ITGA9: variants seen among roughly 807,000 people sequenced by gnomAD.
ITGA9 encodes the protein integrin subunit alpha 9, also known as integrin alpha-9.
ITGA9 carries 56 observed loss-of-function variants against 127.8 expected under a neutral mutation model. That is an observed-to-expected ratio of 0.44 (90% CI 0.35 to 0.55). The LOEUF is 0.55. Ranked by LOEUF, ITGA9 falls within the 20% of genes least tolerant of loss-of-function variation. The probability of loss-of-function intolerance (pLI) is 0.00; values close to 1 mark genes in which losing one functional copy is unlikely to be tolerated. For missense variants in ITGA9, 1,196 were observed against 1,347.1 expected, an observed-to-expected ratio of 0.89 and a Z score of 1.76; for synonymous variants, 508 against 514.5, an observed-to-expected ratio of 0.99 and a Z score of 0.17.
At chr3:37,659,983 A>AACACACACACAC (rs10694969) in intron 17 of ITGA9, among the ~76,000 whole-genome samples, 12 of 150,042 alleles carry the variant, frequency 8.0e-5, no homozygotes, top group African/African-American at 2.9e-4. Flanking sequence ...AAGATGATGT[A>AACACACACACAC]ACACACACAC....
intron 2 of ITGA9, 113 bp downstream of exon 2, chr3:37,471,247 C>CCTCCCTCCTTCT: frequency 8.4e-7 from 1 of 1,184,932 alleles, no homozygotes; most frequent in South Asian, 1.2e-5. Context: ...TCCCTCCTTC[C>CCTCCCTCCTTCT]CTCCCTCCTT....
intron 16 of ITGA9, among the ~76,000 whole-genome samples, chr3:37,632,527 G>A (rs890107801): frequency 2.0e-5 from 3 of 152,090 alleles, no homozygotes; most frequent in African/African-American, 7.2e-5. Context: ...GAGAAAGAAG[G>A]GGGAGAAAAT....
At chr3:37,718,291 T>G (rs1701155355) in intron 18 of ITGA9, among the ~76,000 whole-genome samples, 1 of 152,226 alleles carries the variant, frequency 6.6e-6, no homozygotes, top group South Asian at 2.1e-4. Flanking sequence ...ATGGGCTTCC[T>G]CTGGGAGCAC....
At chr3:37,592,456 C>G (rs1426963647) in intron 15 of ITGA9, among the ~76,000 whole-genome samples, 1 of 152,140 alleles carries the variant, frequency 6.6e-6, no homozygotes, top group Non-Finnish European at 1.5e-5. Flanking sequence ...GCACACCCAC[C>G]CCTTAAACAC....
chr3:37,790,678 A>G, intron 26 of ITGA9: 1 of 198,704 alleles, frequency 5.0e-6, no homozygotes, highest in South Asian at 1.1e-4. Flanking sequence ...TTTCTCAGGG[A>G]GCATGTTAGC....
At chr3:37,473,216 A>G (rs746984704) in intron 2 of ITGA9, 138 bp from the exon 3 acceptor site, 12 of 661,286 alleles carry the variant, frequency 1.8e-5, no homozygotes, top group East Asian at 1.4e-4. Flanking sequence ...ATTAAACAGT[A>G]TAGTACATAG....
intron 13 of ITGA9, among the ~76,000 whole-genome samples, chr3:37,531,992 G>A (rs1375727688): frequency 6.6e-6 from 1 of 152,158 alleles, no homozygotes; most frequent in African/African-American, 2.4e-5. Flanking sequence ...AGGTCGACGG[G>A]GTTTTATAGG....
chr3:37,591,100 C>T (rs905022089), intron 15 of ITGA9, among the ~76,000 whole-genome samples: 4 of 152,136 alleles, frequency 2.6e-5, no homozygotes, highest in Admixed American at 6.5e-5. Flanking sequence ...CCCTCCTGCC[C>T]CTGGGCTCCA....
intron 8 of ITGA9, among the ~76,000 whole-genome samples, chr3:37,511,116 C>T (rs570534728): frequency 2.8e-4 from 42 of 152,264 alleles, no homozygotes; most frequent in African/African-American, 7.9e-4. Flanking sequence ...CTTCTGCTTC[C>T]GTTTGGCTAG....
chr3:37,629,419 G>T lies in ITGA9; in HGVS notation c.1839+83G>T. The T allele has an allele frequency of 6.6e-7, 1 of 1,519,610 alleles. No homozygotes were observed. The highest frequency in any genetic ancestry group is 9.0e-7 in the Non-Finnish European group (1 of 1,111,674). The allele number at this position is 1,519,610 out of a possible 1,614,324, so 94.1% of individuals were successfully genotyped here. A position where few individuals can be genotyped will look rare whatever the true frequency, so the allele number is the denominator to read the frequency against. On this transcript the variant is annotated intron_variant, in intron 16 of 27. Transcript: ENST00000264741. This position sits in a 1 kb window ranked among gnomAD's most constrained non-coding sequence, Gnocchi z 4.5. ...TAATGGCCCAAAAGTTGAGAGAGCC[G>T]TGGGCCTGGCTGCTCAGGAGACCGC...
Position 37,758,741 on chromosome 3 carries a change from C to A in ITGA9, c.2541+8172C>A, listed in dbSNP as rs573553627. On this transcript the variant is annotated intron_variant, in intron 23 of 27. Coordinates refer to ENST00000264741, the MANE Select transcript of ITGA9 (RefSeq NM_002207.3). The stretch of plus-strand genomic sequence containing the variant: ...CCTTAACAATAAAAAGAAATGATAG[C>A]CTTTATTCTTAAAAAAAAAAGTATC... 2.1e-3 allele frequency among the ~76,000 whole-genome samples: 320 copies of A among 151,544 alleles called. 1 individual carries two copies. The highest frequency in any genetic ancestry group is 7.5e-3 in the African/African-American group (308 of 41,070).
rs548280469 is a variant in ITGA9 at position 37,653,770 on chromosome 3, G to A, written c.1896G>A (p.Gln632=). The A allele has an allele frequency of 8.2e-5, 132 of 1,613,230 alleles. 1 individual carries two copies. In the South Asian group the frequency reaches 1.4e-3, roughly 17 times the overall value. Residue 632 remains glutamine (Q), a synonymous_variant, in exon 17 of 28, where the codon CAG becomes CAA. Coordinates refer to ENST00000264741, the MANE Select transcript of ITGA9 (RefSeq NM_002207.3). Reference sequence around the variant, plus strand: ...ACTGTGCCGCAGACCTGCAGCTTCAGGGTAAACTGCTGCTCTCCAGGTATG... The same window carrying A: ...ACTGTGCCGCAGACCTGCAGCTTCAAGGTAAACTGCTGCTCTCCAGGTATG... The part of the protein sequence containing the change: ...SEDCAADLQL[Q]GKLLLSSMDE...
At chr3:37,577,937 G>A (rs1439788239) in intron 15 of ITGA9, among the ~76,000 whole-genome samples, 1 of 152,098 alleles carries the variant, frequency 6.6e-6, no homozygotes, top group African/African-American at 2.4e-5. Flanking sequence ...TCTTTATGTT[G>A]TATTGGAAAA....
chr3:37,528,028 G>A (rs537752151), intron 13 of ITGA9, among the ~76,000 whole-genome samples: 3 of 152,142 alleles, frequency 2.0e-5, no homozygotes, highest in East Asian at 1.9e-4. Context: ...CTCGTGATCT[G>A]CCCACCTCAG....
intron 15 of ITGA9, among the ~76,000 whole-genome samples, chr3:37,543,232 C>T (rs914438283): frequency 1.3e-5 from 2 of 152,196 alleles, no homozygotes; most frequent in Non-Finnish European, 2.9e-5. Context: ...GGTGGAAGAC[C>T]TGGCAGTGCC....
chr3:37,631,602 A>G (rs544886370), intron 16 of ITGA9, among the ~76,000 whole-genome samples: 1 of 152,312 alleles, frequency 6.6e-6, no homozygotes, highest in South Asian at 2.1e-4. Context: ...ATTTTCTGGT[A>G]TGAGTGAAGT....
At chr3:37,523,703 C>A in intron 12 of ITGA9, 92 bp downstream of exon 12, 1 of 914,912 alleles carries the variant, frequency 1.1e-6, no homozygotes. Flanking sequence ...TCATCACATC[C>A]ATTTAGGATT....
At chr3:37,627,595 A>T (rs1559552991) in intron 15 of ITGA9, among the ~76,000 whole-genome samples, 2 of 152,350 alleles carry the variant, frequency 1.3e-5, no homozygotes, top group Admixed American at 6.5e-5. Flanking sequence ...ACTTTGTTTA[A>T]CTTGGTGTCC....
intron 16 of ITGA9, among the ~76,000 whole-genome samples, chr3:37,642,236 G>A (rs898248014): frequency 6.6e-6 from 1 of 152,158 alleles, no homozygotes; most frequent in Non-Finnish European, 1.5e-5. Context: ...ATGAGCCACC[G>A]TGCATGGCCT....
Sources: allele counts gnomAD v4.1 joint callset (sites outside exome capture counted in the v4.1 genomes callset), GRCh38; gene constraint gnomAD v4.1.1; non-coding constraint Gnocchi (gnomAD v3.1); transcripts MANE v1.5; gene names NCBI Gene and HGNC (gene_info 2026-07-23, HGNC 2026-07-21).